Variants in RHOA observed in about 807,000 individuals in gnomAD.
RHOA encodes transforming protein RhoA.
Under a neutral mutation model 17.5 loss-of-function variants are expected in RHOA, and 3 were observed. The ratio of observed to expected loss-of-function variants is 0.17; its 90% CI spans 0.08 to 0.44. RHOA has a LOEUF of 0.44. Ranked by LOEUF, RHOA falls within the 20% of genes least tolerant of loss-of-function variation. The pLI is 0.99. For synonymous variants in RHOA, 98 were observed against 88.4 expected (o/e 1.11, Z -0.61); for missense variants, 56 against 242.3 (o/e 0.23, Z 5.10).
intron 1 of RHOA, among the ~76,000 whole-genome samples, chr3:49,387,448 GAAA>G (rs371706211): frequency 3.9e-5 from 5 of 128,702 alleles, no homozygotes; most frequent in Non-Finnish European, 4.8e-5. Context: ...CATCTCGGGG[GAAA>G]AAAAAAAAAA....
intron 3 of RHOA, among the ~76,000 whole-genome samples, chr3:49,364,032 C>T (rs908771897): frequency 2.6e-5 from 4 of 151,700 alleles, no homozygotes; most frequent in Admixed American, 1.3e-4. Flanking sequence ...GCCAGGGTGA[C>T]AAAGTGAGAC....
chr3:49,399,413 T>C (rs1338076659), intron 1 of RHOA, among the ~76,000 whole-genome samples: 2 of 151,176 alleles, frequency 1.3e-5, no homozygotes, highest in Non-Finnish European at 2.9e-5. Context: ...TGAGACAAGA[T>C]TATTAAATGA....
At chr3:49,402,611 C>A (rs2048744301) in intron 1 of RHOA, among the ~76,000 whole-genome samples, 1 of 152,018 alleles carries the variant, frequency 6.6e-6, no homozygotes, top group South Asian at 2.1e-4. Flanking sequence ...GAGTTAGAGG[C>A]TGCAGTGAGC....
At chr3:49,372,692 C>CCACTG (rs1189763767) in intron 2 of RHOA, among the ~76,000 whole-genome samples, 1 of 148,220 alleles carries the variant, frequency 6.7e-6, no homozygotes, top group Non-Finnish European at 1.5e-5. Flanking sequence ...AGAGATCACG[C>CCACTG]CACTGCACTC....
chr3:49,402,930 G>T (rs1220397343), intron 1 of RHOA, among the ~76,000 whole-genome samples: 1 of 151,750 alleles, frequency 6.6e-6, no homozygotes, highest in Admixed American at 6.6e-5. Context: ...CCAGCTACTC[G>T]GGAGGCTGAA....
chr3:49,392,635 C>T (rs1462573319), intron 1 of RHOA, among the ~76,000 whole-genome samples: 2 of 152,168 alleles, frequency 1.3e-5, no homozygotes, highest in African/African-American at 2.4e-5. Context: ...GTGTGAACTA[C>T]TGCACTTGGC....
At chr3:49,398,525 G>A (rs1450679739) in intron 1 of RHOA, among the ~76,000 whole-genome samples, 1 of 151,774 alleles carries the variant, frequency 6.6e-6, no homozygotes, top group African/African-American at 2.4e-5. Context: ...CCCAGTGGGG[G>A]CTTAAAGAAT....
At chr3:49,374,622 T>C (rs1408931205) in intron 2 of RHOA, among the ~76,000 whole-genome samples, 1 of 152,012 alleles carries the variant, frequency 6.6e-6, no homozygotes, top group East Asian at 1.9e-4. Flanking sequence ...CTCTGGAGGC[T>C]GAGGCAAAAG....
chr3:49,380,479 G>A (rs928124867), intron 1 of RHOA, among the ~76,000 whole-genome samples: 36 of 151,974 alleles, frequency 2.4e-4, no homozygotes, highest in African/African-American at 7.7e-4. Flanking sequence ...AGGCCGAGGC[G>A]GGCAGATCAC....
chr3:49,393,326 A>C (rs2048542127), intron 1 of RHOA, among the ~76,000 whole-genome samples: 1 of 151,780 alleles, frequency 6.6e-6, no homozygotes, highest in South Asian at 2.1e-4. Flanking sequence ...TTTTTTTTCC[A>C]GAGAGGGTCT....
intron 3 of RHOA, chr3:49,366,594 C>T (rs1467387590): frequency 6.6e-6 from 1 of 152,158 alleles, no homozygotes; most frequent in Non-Finnish European, 1.5e-5. Flanking sequence ...CAGAGCGAGA[C>T]CCCGCCTCTA....
rs369226170 is a variant in RHOA at position 49,369,697 on chromosome 3, TGCACTCCA to T, written c.157-1157_157-1150del. Among the ~76,000 whole-genome samples, 18 of 151,124 alleles carry T rather than the reference TGCACTCCA, an allele frequency of 1.2e-4. No individual in the cohort carries two copies. In the East Asian group the frequency reaches 2.6e-3, roughly 21 times the overall value. ...TTGCAGTGAGCCAAGATCGTGCCAC[TGCACTCCA>T]GCACTCCAGCATGGGCGACAAAGCG... On this transcript the variant is annotated intron_variant, in intron 2 of 4. Transcript: ENST00000418115.
chr3:49,360,380 C>A lies in RHOA; in HGVS notation c.411G>T (p.Glu137Asp), dbSNP rs773583237. ...TRRELAKMKQEPVKPEEGRDM... is the reference protein window; with the variant it reads ...TRRELAKMKQDPVKPEEGRDM... ...CTCTGCCTTCTTCAGGTTTCACCGG[C>A]TCCTAGCAAAGAAAAAAAAATAGTC... The change falls in exon 5 of 5, where the codon GAG becomes GAT. Residue 137 changes from glutamate (E) to aspartate (D), a missense_variant and splice_region_variant. By Grantham distance (45) the Glu-to-Asp change is conservative (BLOSUM62 2). Coordinates refer to ENST00000418115, the MANE Select transcript of RHOA (RefSeq NM_001664.4). 1 of 1,606,314 alleles carries A rather than the reference C, an allele frequency of 6.2e-7. No homozygotes were observed.
intron 1 of RHOA, among the ~76,000 whole-genome samples, chr3:49,403,953 T>A: frequency 6.6e-6 from 1 of 151,506 alleles, no homozygotes; most frequent in Non-Finnish European, 1.5e-5. Context: ...CTACTCCCAC[T>A]ACCCTCCCAC....
intron 2 of RHOA, chr3:49,373,258 T>C: frequency 4.6e-6 from 1 of 216,596 alleles, no homozygotes; most frequent in Non-Finnish European, 1.0e-5. Context: ...ATAGGAGAAT[T>C]GCTTGAACTC....
At chr3:49,364,303 T>C (rs925021683) in intron 3 of RHOA, among the ~76,000 whole-genome samples, 14 of 151,872 alleles carry the variant, frequency 9.2e-5, no homozygotes, top group South Asian at 6.2e-4. Context: ...ATAACCAACA[T>C]GGAGAAACCC....
intron 3 of RHOA, among the ~76,000 whole-genome samples, chr3:49,363,552 A>G (rs191634911): frequency 1.5e-3 from 228 of 151,716 alleles, no homozygotes; most frequent in Admixed American, 3.2e-3. Flanking sequence ...CCTATGCAAC[A>G]TGGCTAAACC....
intron 1 of RHOA, among the ~76,000 whole-genome samples, chr3:49,411,489 A>T (rs1165510262): frequency 6.6e-6 from 1 of 151,998 alleles, no homozygotes; most frequent in Non-Finnish European, 1.5e-5. Context: ...CCCGGCCCAA[A>T]GCCCCCGCCC....
chr3:49,410,573 A>G (rs1377179200), intron 1 of RHOA, among the ~76,000 whole-genome samples: 2 of 152,232 alleles, frequency 1.3e-5, no homozygotes, highest in Non-Finnish European at 2.9e-5. Context: ...ATTCTTTACA[A>G]TTAAAAACTA....
Sources: gnomAD v4.1 joint callset for allele counts (sites outside exome capture counted in the v4.1 genomes callset) on GRCh38, gnomAD v4.1.1 for gene constraint, MANE v1.5 for transcripts, NCBI Gene and HGNC (gene_info 2026-07-23, HGNC 2026-07-21) for gene names.